PRKG1: variants seen among roughly 807,000 people sequenced by gnomAD.
The protein encoded by PRKG1 is protein kinase cGMP-dependent 1.
PRKG1 carries 35 observed loss-of-function variants against 88.1 expected under a neutral mutation model. That is an observed-to-expected ratio of 0.40 (90% CI 0.30 to 0.53). The LOEUF (loss-of-function observed/expected upper bound fraction) is 0.53. PRKG1 is among the 20% of genes least tolerant of loss of function. The pLI, the probability that PRKG1 is intolerant of heterozygous loss-of-function variation, is 0.59. For synonymous variants in PRKG1, 303 were observed against 292.5 expected (o/e 1.04, Z -0.37); for missense variants, 540 against 839.8 (o/e 0.64, Z 4.41).
chr10:51,913,483 T>A (rs1021534119), intron 5 of PRKG1, among the ~76,000 whole-genome samples: 1 of 152,218 alleles, frequency 6.6e-6, no homozygotes, highest in Non-Finnish European at 1.5e-5. Context: ...TGAACCTTTT[T>A]CTCTTTCCTT....
At position 52,088,892 on chromosome 10, in the gene PRKG1, A is replaced by T. The variant is rs999810854; in HGVS notation, c.935+26261A>T. 3.3e-5 allele frequency among the ~76,000 whole-genome samples: 5 copies of T among 152,208 alleles called. No individual in the cohort carries two copies. The South Asian group carries it at 6.2e-4, about 19-fold the overall frequency. ...TGCACACTGACCCTCCTAATCAGAA[A>T]ATCAATAATGATGCATTACCATTCA... is the stretch of plus-strand genomic sequence containing the variant. On this transcript the variant is annotated intron_variant, in intron 7 of 17. Transcript: ENST00000373980.
In PRKG1 at chr10:52,168,213, T is replaced by C. The variant is rs556439629; in HGVS notation, c.1076+6250T>C. 2.3e-4 allele frequency among the ~76,000 whole-genome samples: 35 copies of C among 152,308 alleles called. 2 individuals are homozygous for C. The South Asian group carries it at 7.3e-3, about 32-fold the overall frequency. ...GGCATATGTTAATCTTTCTGGGAAG[T>C]CTTCTTAGGGGAAGTGACATTTTAA... On this transcript the variant is annotated intron_variant, in intron 9 of 17. Transcript: ENST00000373980.
At chr10:51,834,341 T>C (rs947156000) in intron 4 of PRKG1, among the ~76,000 whole-genome samples, 3 of 151,978 alleles carry the variant, frequency 2.0e-5, no homozygotes, top group African/African-American at 7.3e-5. Context: ...CCTAAATTTA[T>C]TGAAAGTAAG....
chr10:52,096,340 C>T (rs1847172222), intron 7 of PRKG1, among the ~76,000 whole-genome samples: 1 of 152,178 alleles, frequency 6.6e-6, no homozygotes, highest in Non-Finnish European at 1.5e-5. Context: ...AGCACTGGCT[C>T]ACAGCCTGAC....
intron 2 of PRKG1, among the ~76,000 whole-genome samples, chr10:51,376,451 C>A (rs1246757514): frequency 6.6e-6 from 1 of 152,102 alleles, no homozygotes; most frequent in Non-Finnish European, 1.5e-5. Flanking sequence ...TGGTCTTATT[C>A]TCCTGAGCAG....
intron 3 of PRKG1, among the ~76,000 whole-genome samples, chr10:51,559,442 G>A (rs756680769): frequency 1.1e-4 from 17 of 152,004 alleles, no homozygotes; most frequent in Admixed American, 2.0e-4. Context: ...TTATTAGTGC[G>A]TTAGAGACTT....
intron 2 of PRKG1, among the ~76,000 whole-genome samples, chr10:51,205,391 C>T (rs187648131): frequency 1.3e-5 from 2 of 151,590 alleles, no homozygotes; most frequent in African/African-American, 2.4e-5. Flanking sequence ...TCTGCCTCGG[C>T]CTCCCACAGT....
intron 5 of PRKG1, among the ~76,000 whole-genome samples, chr10:51,957,237 CTT>C (rs1843334309): frequency 2.9e-5 from 4 of 139,566 alleles, no homozygotes; most frequent in East Asian, 2.2e-4. Flanking sequence ...TCTTTCTCTA[CTT>C]CTCTCTTTTC....
intron 3 of PRKG1, among the ~76,000 whole-genome samples, chr10:51,649,712 A>G (rs1466115892): frequency 6.6e-6 from 1 of 152,186 alleles, no homozygotes; most frequent in Non-Finnish European, 1.5e-5. Context: ...AACACACTCT[A>G]TAGTGTGGGT....
At chr10:51,399,140 T>A (rs951959961) in intron 2 of PRKG1, among the ~76,000 whole-genome samples, 1 of 151,836 alleles carries the variant, frequency 6.6e-6, no homozygotes, top group Non-Finnish European at 1.5e-5. Context: ...TACATATACA[T>A]GTATAAATAA....
chr10:51,304,517 T>C (rs1178281900), intron 2 of PRKG1, among the ~76,000 whole-genome samples: 1 of 151,992 alleles, frequency 6.6e-6, no homozygotes, highest in African/African-American at 2.4e-5. Context: ...AGTTTTAGGG[T>C]ACATGTGCAC....
chr10:51,399,634 C>T (rs1391781254), intron 2 of PRKG1, among the ~76,000 whole-genome samples: 3 of 152,134 alleles, frequency 2.0e-5, no homozygotes, highest in Admixed American at 1.3e-4. Context: ...ATTCTCATCA[C>T]TGTTTTTCTT....
chr10:51,709,795 G>A (rs1207028594), intron 3 of PRKG1, among the ~76,000 whole-genome samples: 1 of 152,180 alleles, frequency 6.6e-6, no homozygotes, highest in African/African-American at 2.4e-5. Flanking sequence ...CCACAGGGAG[G>A]AGAGGTTCTG....
At chr10:52,246,876 CAA>C (rs756775020) in intron 9 of PRKG1, among the ~76,000 whole-genome samples, 29 of 57,214 alleles carry the variant, frequency 5.1e-4, no homozygotes, top group African/African-American at 1.8e-3. Flanking sequence ...AACACAGTCT[CAA>C]AAAAAAAAAA....
intron 3 of PRKG1, among the ~76,000 whole-genome samples, chr10:51,741,012 C>T (rs566009804): frequency 9.3e-5 from 14 of 151,130 alleles, no homozygotes; most frequent in South Asian, 4.2e-4. Context: ...GATGGACAGA[C>T]GCAGAGAAGG....
chr10:51,299,031 T>C (rs1025233927), intron 2 of PRKG1, among the ~76,000 whole-genome samples: 1 of 152,168 alleles, frequency 6.6e-6, no homozygotes, highest in Non-Finnish European at 1.5e-5. Flanking sequence ...AATATGACCA[T>C]TACTCCATCT....
intron 3 of PRKG1, chr10:51,698,655 G>T (rs1841374603): frequency 6.2e-7 from 1 of 1,614,032 alleles, no homozygotes; most frequent in African/African-American, 1.3e-5. Context: ...CGCTCTAAAG[G>T]CACTGGGCCA....
intron 17 of PRKG1, among the ~76,000 whole-genome samples, chr10:52,291,787 C>T (rs980332411): frequency 1.3e-5 from 2 of 151,848 alleles, no homozygotes; most frequent in Non-Finnish European, 2.9e-5. Flanking sequence ...ATGGCTGGGT[C>T]AAATGGTATT....
intron 1 of PRKG1, among the ~76,000 whole-genome samples, chr10:51,140,619 G>T (rs560817296): frequency 6.6e-6 from 1 of 152,102 alleles, no homozygotes. Context: ...TGAAAATATC[G>T]TATACTCAAA....
Sources: allele counts gnomAD v4.1 joint callset (sites outside exome capture counted in the v4.1 genomes callset), GRCh38; gene constraint gnomAD v4.1.1; transcripts MANE v1.5; gene names NCBI Gene and HGNC (gene_info 2026-07-23, HGNC 2026-07-21).